The following HPD variants were observed in gnomAD, a reference collection of about 807,000 sequenced individuals.
HPD encodes the protein 4-hydroxyphenylpyruvic acid oxidase.
A neutral mutation model predicts 56.9 loss-of-function variants in HPD; 35 were observed. That is an observed-to-expected ratio of 0.62 (90% confidence interval 0.47 to 0.82). The LOEUF (loss-of-function observed/expected upper bound fraction) is 0.82. Among genes scored for constraint, HPD ranks in the 40% least tolerant of loss-of-function variants. The pLI, the probability that HPD is intolerant of heterozygous loss-of-function variation, is 0.00. For synonymous variants in HPD, 186 were observed against 200.2 expected, an observed-to-expected ratio of 0.93 and a Z score of 0.60; for missense variants, 442 against 506.8, an observed-to-expected ratio of 0.87 and a Z score of 1.23.
chr12:121,886,381 TAC>T, the HPD span, among the ~76,000 whole-genome samples: 1 of 150,440 alleles, frequency 6.6e-6, no homozygotes, highest in Admixed American at 6.6e-5. Flanking sequence ...GTGCTGGGAT[TAC>T]AGGCGTGAGC....
chr12:121,858,793 C>T, intron 1 of HPD, 28 bp downstream of exon 1: 2 of 1,614,108 alleles, frequency 1.2e-6, no homozygotes, highest in Non-Finnish European at 1.7e-6. Flanking sequence ...AGATGTCCCA[C>T]CCAAGGGGAG....
At chr12:121,873,676 T>C in the HPD span, among the ~76,000 whole-genome samples, 1 of 152,170 alleles carries the variant, frequency 6.6e-6, no homozygotes, top group African/African-American at 2.4e-5. Context: ...AAAAATTAGC[T>C]GGGCGTGCTG....
rs1566570566 is a variant in HPD at position 121,849,068 on chromosome 12, C to T, written c.527G>A (p.Cys176Tyr). ...AATGTGGTCGATCATCTCCAGACTG[C>T]ATTTGGGCCTGGGAAGGGAAGAAGA... ...MDPLLPKLPK[C>Y]SLEMIDHIVG... Residue 176 changes from cysteine (C) to tyrosine (Y), a missense_variant, in exon 9 of 14, where the codon TGC (cysteine) becomes TAC (tyrosine). Transcript: ENST00000289004. 1.2e-6 allele frequency: 2 copies of T among 1,613,596 alleles called. No homozygotes were observed. The highest frequency in any genetic ancestry group is 1.7e-6 in the Non-Finnish European group (2 of 1,179,588).
chr12:121,861,613 A>G (rs975122187), upstream of HPD, among the ~76,000 whole-genome samples: 10 of 152,184 alleles, frequency 6.6e-5, no homozygotes, highest in African/African-American at 2.4e-4. Context: ...AAAAACATGA[A>G]AAAGAGGCAA....
chr12:121,872,534 A>C, the HPD span, among the ~76,000 whole-genome samples: 1 of 151,794 alleles, frequency 6.6e-6, no homozygotes, highest in East Asian at 2.0e-4. Context: ...CCTGGCCTAA[A>C]ATTTCTTGTC....
At chr12:121,872,583 C>A in the HPD span, among the ~76,000 whole-genome samples, 1 of 151,942 alleles carries the variant, frequency 6.6e-6, no homozygotes, top group African/African-American at 2.4e-5. Context: ...CAGCGTCTCC[C>A]TTCTCCATCC....
chr12:121,839,628 T>C lies in HPD; in HGVS notation c.*100A>G. The C allele has an allele frequency of 2.3e-6, 2 of 887,778 alleles. No individual in the cohort carries two copies. Among genetic ancestry groups the C allele is most frequent in the Non-Finnish European group, 3.7e-6 (2 of 539,870 alleles). 55.0% of individuals were successfully genotyped at this position (887,778 alleles called of 1,614,324 possible). A position where few individuals can be genotyped will look rare whatever the true frequency, so the allele number is the denominator to read the frequency against. Reference sequence around the variant, plus strand: ...GAGCCTTGGGGGCCGAGTCCGCTGGTGGGCGGGACCCAAGGGGAGCAGCCA... The same window carrying C: ...GAGCCTTGGGGGCCGAGTCCGCTGGCGGGCGGGACCCAAGGGGAGCAGCCA... On this transcript the variant is annotated 3_prime_UTR_variant, in exon 14 of 14. Transcript: ENST00000289004.
At chr12:121,888,606 T>C in the HPD span, 6 of 515,620 alleles carry the variant, frequency 1.2e-5, no homozygotes, top group South Asian at 6.8e-5. Context: ...TGGTGTGCAA[T>C]TGCGTGGGGA....
the HPD span, among the ~76,000 whole-genome samples, chr12:121,884,797 G>A: frequency 6.6e-6 from 1 of 151,834 alleles, no homozygotes; most frequent in Non-Finnish European, 1.5e-5. Context: ...TTTTGTAAAT[G>A]TAAATAATTT....
chr12:121,862,639 C>G (rs1368424430), upstream of HPD, among the ~76,000 whole-genome samples: 2 of 120,810 alleles, frequency 1.7e-5, no homozygotes, highest in African/African-American at 3.2e-5. Flanking sequence ...ACAGAGTCTC[C>G]CTCTGTGGCC....
At chr12:121,856,221 G>C in intron 6 of HPD, 103 bp downstream of exon 6, 1 of 873,978 alleles carries the variant, frequency 1.1e-6, no homozygotes. Flanking sequence ...GTGGCATCTG[G>C]GCTTGTCACT....
At chr12:121,861,746 C>T (rs1878179050), upstream of HPD, among the ~76,000 whole-genome samples, 1 of 152,164 alleles carries the variant, frequency 6.6e-6, no homozygotes, top group Non-Finnish European at 1.5e-5. Flanking sequence ...GATCTTTTTA[C>T]AGGCGTCCAC....
the HPD span, among the ~76,000 whole-genome samples, chr12:121,870,520 AAG>A: frequency 6.6e-6 from 1 of 151,890 alleles, no homozygotes; most frequent in South Asian, 2.1e-4. Flanking sequence ...AAAAAAAAAA[AAG>A]AAGGCAAGGA....
At chr12:121,864,553 T>TC (rs1878270903), upstream of HPD, among the ~76,000 whole-genome samples, 1 of 60,814 alleles carries the variant, frequency 1.6e-5, no homozygotes, top group Non-Finnish European at 2.8e-5. Flanking sequence ...GCCCTGACTA[T>TC]TAAAAAAAAA....
At chr12:121,861,567 T>G (rs1328086726), upstream of HPD, among the ~76,000 whole-genome samples, 1 of 152,148 alleles carries the variant, frequency 6.6e-6, no homozygotes, top group African/African-American at 2.4e-5. Flanking sequence ...CTGATAGTTC[T>G]TACTATAGTG....
intron 8 of HPD, among the ~76,000 whole-genome samples, chr12:121,849,440 C>T (rs778693895): frequency 2.0e-5 from 3 of 152,052 alleles, no homozygotes; most frequent in Admixed American, 6.6e-5. Context: ...AGAGATGAAG[C>T]GACTTGCCCA....
chr12:121,856,558 C>T (rs772725758), intron 5 of HPD, 25 bp downstream of exon 5: 9 of 1,613,188 alleles, frequency 5.6e-6, no homozygotes, highest in Non-Finnish European at 6.8e-6. Flanking sequence ...CAGAGCCATG[C>T]GTCCACCCTC....
At chr12:121,888,070 G>A in the HPD span, among the ~76,000 whole-genome samples, 1 of 152,156 alleles carries the variant, frequency 6.6e-6, no homozygotes, top group South Asian at 2.1e-4. Context: ...AGCTTCATGA[G>A]GTTGTTGAAT....
intron 7 of HPD, among the ~76,000 whole-genome samples, chr12:121,853,929 C>G (rs182295641): frequency 7.4e-6 from 1 of 135,056 alleles, no homozygotes; most frequent in Non-Finnish European, 1.6e-5. Flanking sequence ...AGAGAGACTC[C>G]GTCTGAAAAA....
Sources: allele counts gnomAD v4.1 joint callset (sites outside exome capture counted in the v4.1 genomes callset), GRCh38; gene constraint gnomAD v4.1.1; transcripts MANE v1.5; gene names NCBI Gene and HGNC (gene_info 2026-07-23, HGNC 2026-07-21).